Variants in TAF15 observed in about 807,000 individuals in gnomAD.
The protein encoded by TAF15 is TATA-box binding protein associated factor 15.
Under a neutral mutation model 102.5 loss-of-function variants are expected in TAF15, and 37 were observed. The ratio of observed to expected loss-of-function variants is 0.36; its 90% CI spans 0.28 to 0.47. TAF15 has a LOEUF of 0.47. Ranked by LOEUF, TAF15 falls within the 20% of genes least tolerant of loss-of-function variation. The pLI, the probability that TAF15 is intolerant of heterozygous loss-of-function variation, is 0.99. For synonymous variants in TAF15, 273 were observed against 259.2 expected, an observed-to-expected ratio of 1.05 and a Z score of -0.51; for missense variants, 652 against 760.7, an observed-to-expected ratio of 0.86 and a Z score of 1.68.
intron 1 of TAF15, among the ~76,000 whole-genome samples, chr17:35,812,995 C>T (rs531256355): frequency 1.5e-4 from 22 of 151,342 alleles, no homozygotes; most frequent in South Asian, 2.1e-4. Flanking sequence ...GGTGAGGTGG[C>T]GGGAACCTGT....
intron 7 of TAF15, among the ~76,000 whole-genome samples, chr17:35,825,638 A>G (rs1403273116): frequency 6.6e-6 from 1 of 152,198 alleles, no homozygotes; most frequent in Non-Finnish European, 1.5e-5. Flanking sequence ...GGGAATAGGT[A>G]GGGAAGTCAT....
chr17:35,837,002 G>C (rs574134640), intron 10 of TAF15, among the ~76,000 whole-genome samples: 4 of 152,190 alleles, frequency 2.6e-5, no homozygotes, highest in Admixed American at 2.0e-4. Flanking sequence ...TTGATCTCTT[G>C]ACCTCAAGTG....
chr17:35,846,273 C>T (rs1441903909), intron 15 of TAF15, among the ~76,000 whole-genome samples: 1 of 152,202 alleles, frequency 6.6e-6, no homozygotes, highest in Non-Finnish European at 1.5e-5. Context: ...GTATTCTTAT[C>T]TGTAAAATGG....
intron 7 of TAF15, among the ~76,000 whole-genome samples, chr17:35,825,519 A>G (rs943582505): frequency 3.4e-5 from 5 of 148,328 alleles, no homozygotes; most frequent in Non-Finnish European, 7.4e-5. Flanking sequence ...TTGAAATGCT[A>G]TATGTTTTAT....
At chr17:35,845,060 T>G (rs1481897627) in intron 15 of TAF15, 22 bp downstream of exon 15, 2 of 1,613,434 alleles carry the variant, frequency 1.2e-6, no homozygotes, top group African/African-American at 2.7e-5. Context: ...AATGTGTTTA[T>G]TAACCTTTTT....
Position 35,828,777 on chromosome 17 carries a change from T to TA in TAF15, c.605+4597dup, listed in dbSNP as rs11348556. Among the ~76,000 whole-genome samples, 828 of 136,530 alleles carry TA rather than the reference T, an allele frequency of 6.1e-3. 4 individuals carry two copies. Among genetic ancestry groups the TA allele is most frequent in the Non-Finnish European group, 7.0e-3 (439 of 62,558 alleles). 89.6% of individuals were successfully genotyped at this position (136,530 alleles called of 152,430 possible). On this transcript the variant is annotated intron_variant, in intron 7 of 15. Coordinates refer to ENST00000605844, the MANE Select transcript of TAF15 (RefSeq NM_139215.3). ...TCCGCCCCATACCTCTTCAAATGTT[T>TA]AAAAAAAAAAAAAAAAAAGTACTGT...
Position 35,843,998 on chromosome 17 carries a change from C to T in TAF15, c.1007-79C>T. 3.2e-6 allele frequency: 4 copies of T among 1,262,782 alleles called. No homozygotes were observed. The South Asian group carries it at 4.8e-5, about 15-fold the overall frequency. The allele number at this position is 1,262,782 out of a possible 1,614,324, so 78.2% of individuals were successfully genotyped here. A position where few individuals can be genotyped will look rare whatever the true frequency, so the allele number is the denominator to read the frequency against. On this transcript the variant is annotated intron_variant, in intron 12 of 15. Transcript: ENST00000605844. ...CTGCCTAAGTATTGATGGGTATCTACTCTTATGTTATCTGATGCTTTTCTT... is the reference window on the plus strand; with the variant it reads ...CTGCCTAAGTATTGATGGGTATCTATTCTTATGTTATCTGATGCTTTTCTT...
chr17:35,819,468 A>G (rs2087234145), intron 2 of TAF15, among the ~76,000 whole-genome samples: 1 of 152,226 alleles, frequency 6.6e-6, no homozygotes, highest in Non-Finnish European at 1.5e-5. Flanking sequence ...AGGATACGGT[A>G]TAATTTCATT....
At chr17:35,827,070 C>T (rs1016626301) in intron 7 of TAF15, among the ~76,000 whole-genome samples, 10 of 151,944 alleles carry the variant, frequency 6.6e-5, no homozygotes, top group African/African-American at 2.4e-4. Context: ...CATCAACACT[C>T]CCGTTTGTGT....
chr17:35,844,961 TGGTGGCGGCTATGGAGGAGACCGA>T lies in TAF15; in HGVS notation c.1668_1691del (p.Gly565_Gly572del), dbSNP rs770939106. The T allele has an allele frequency of 1.3e-4, 215 of 1,602,456 alleles. No individual in the cohort carries two copies. The highest frequency in any genetic ancestry group is 1.7e-4 in the Non-Finnish European group (201 of 1,176,280). On this transcript the variant is annotated inframe_deletion, in exon 15 of 16. Coordinates refer to ENST00000605844, the MANE Select transcript of TAF15 (RefSeq NM_139215.3). ...GTGGAGGCTATGGAGGAGACAGGAG[TGGTGGCGGCTATGGAGGAGACCGA>T]GGTGGGGGCTACGGAGGAGACCGAG...
At chr17:35,824,514 G>A (rs766125989) in intron 7 of TAF15, among the ~76,000 whole-genome samples, 5 of 152,100 alleles carry the variant, frequency 3.3e-5, no homozygotes, top group Non-Finnish European at 5.9e-5. Flanking sequence ...TTTAAAAGAC[G>A]ACTCTGGGAA....
At chr17:35,823,864 T>C (rs1300581037) in intron 6 of TAF15, among the ~76,000 whole-genome samples, 1 of 152,186 alleles carries the variant, frequency 6.6e-6, no homozygotes, top group Non-Finnish European at 1.5e-5. Flanking sequence ...CATTACTGTT[T>C]TGCCATGTCA....
At chr17:35,834,729 G>T in intron 9 of TAF15, 131 bp downstream of exon 9, 1 of 606,422 alleles carries the variant, frequency 1.6e-6, no homozygotes, top group Non-Finnish European at 2.6e-6. Context: ...CAGAACTGGG[G>T]AGCTTTATTT....
At position 35,846,977 on chromosome 17, in the gene TAF15, A is replaced by G. The variant is rs1292920386; in HGVS notation, c.*32A>G. The G allele has an allele frequency of 1.3e-6, 2 of 1,586,730 alleles. No homozygotes were observed. Among genetic ancestry groups the G allele is most frequent in the Non-Finnish European group, 1.7e-6 (2 of 1,162,592 alleles). On this transcript the variant is annotated 3_prime_UTR_variant, in exon 16 of 16. Transcript: ENST00000605844. ...TTTTGAATGTTCCTTTGTCTCTGAC[A>G]TGATCCATAGTGAAATTGCCAGAGT...
rs778487363 is a variant in TAF15 at position 35,844,913 on chromosome 17, C to T, written c.1614C>T (p.Gly538=). The part of the protein sequence containing the change: ...RGGYGGDRGG[G]SGYGGDRSGG... ...GCTATGGAGGAGACCGTGGTGGTGGCAGTGGCTACGGTGGAGACCGAAGTG... is the reference window on the plus strand; with the variant it reads ...GCTATGGAGGAGACCGTGGTGGTGGTAGTGGCTACGGTGGAGACCGAAGTG... The change falls in exon 15 of 16, where the codon GGC becomes GGT. Residue 538 remains glycine (G), a synonymous_variant. Coordinates refer to ENST00000605844, the MANE Select transcript of TAF15 (RefSeq NM_139215.3). The T allele has an allele frequency of 7.5e-6, 12 of 1,608,772 alleles. No individual in the cohort carries two copies. The highest frequency in any genetic ancestry group is 1.0e-5 in the Non-Finnish European group (12 of 1,178,506).
intron 12 of TAF15, 42 bp from the exon 13 acceptor site, chr17:35,844,035 A>G (rs377677702): frequency 8.4e-6 from 13 of 1,546,214 alleles, no homozygotes; most frequent in East Asian, 2.2e-5. Flanking sequence ...TGTTTTGTTA[A>G]TATCTGCTGC....
intron 10 of TAF15, 32 bp from the exon 11 acceptor site, chr17:35,838,392 T>C: frequency 6.2e-7 from 1 of 1,613,520 alleles, no homozygotes; most frequent in Non-Finnish European, 8.5e-7. Flanking sequence ...ATTTTAAAAA[T>C]GCTAACACCA....
chr17:35,812,394 C>G (rs1010686374), intron 1 of TAF15, among the ~76,000 whole-genome samples: 2 of 151,810 alleles, frequency 1.3e-5, no homozygotes, highest in Middle Eastern at 3.4e-3. Context: ...GTCGAGAGTT[C>G]GAGACCAGCT....
At chr17:35,817,171 C>T (rs1211670959) in intron 1 of TAF15, 1 of 151,378 alleles carries the variant, frequency 6.6e-6, no homozygotes, top group Non-Finnish European at 1.5e-5. Context: ...TGCCAATTGG[C>T]TGAATCCCTG....
Sources: gnomAD v4.1 joint callset for allele counts (sites outside exome capture counted in the v4.1 genomes callset) on GRCh38, gnomAD v4.1.1 for gene constraint, MANE v1.5 for transcripts, NCBI Gene and HGNC (gene_info 2026-07-23, HGNC 2026-07-21) for gene names.